Variants in PPP2R2B observed in about 807,000 individuals in gnomAD.
The protein encoded by PPP2R2B is serine/threonine-protein phosphatase 2A 55 kDa regulatory subunit B beta isoform.
PPP2R2B carries 5 observed loss-of-function variants against 46.0 expected under a neutral mutation model. That is an observed-to-expected ratio of 0.11 (90% confidence interval 0.06 to 0.23). The LOEUF is 0.23. Among genes scored for constraint, PPP2R2B ranks in the 10% least tolerant of loss-of-function variants. The pLI, the probability that PPP2R2B is intolerant of heterozygous loss-of-function variation, is 1.00. For missense variants in PPP2R2B, 367 were observed against 575.0 expected, an observed-to-expected ratio of 0.64 and a Z score of 3.70; for synonymous variants, 215 against 206.7, an observed-to-expected ratio of 1.04 and a Z score of -0.34.
intron 7 of PPP2R2B, among the ~76,000 whole-genome samples, chr5:146,617,717 CAG>C (rs1474643475): frequency 2.8e-5 from 4 of 145,352 alleles, no homozygotes; most frequent in African/African-American, 1.1e-4. Flanking sequence ...TTTTTTGAAG[CAG>C]AGTCTCGCTC....
intron 1 of PPP2R2B, among the ~76,000 whole-genome samples, chr5:147,046,881 G>A (rs1218469001): frequency 6.6e-6 from 1 of 151,982 alleles, no homozygotes; most frequent in Non-Finnish European, 1.5e-5. Context: ...AGTTCCTTAT[G>A]GATTATACTA....
At chr5:146,809,011 C>G (rs1039714344) in intron 2 of PPP2R2B, among the ~76,000 whole-genome samples, 1 of 149,996 alleles carries the variant, frequency 6.7e-6, no homozygotes, top group Non-Finnish European at 1.5e-5. Flanking sequence ...GCACCCACTT[C>G]TCCAGTGATG....
chr5:146,890,107 T>G (rs1456534676), intron 1 of PPP2R2B, among the ~76,000 whole-genome samples: 1 of 152,246 alleles, frequency 6.6e-6, no homozygotes, highest in African/African-American at 2.4e-5. Context: ...TAATAAAAAT[T>G]TATTGGACAA....
At chr5:146,901,379 C>T (rs1348909333) in intron 1 of PPP2R2B, among the ~76,000 whole-genome samples, 1 of 151,990 alleles carries the variant, frequency 6.6e-6, no homozygotes, top group African/African-American at 2.4e-5. Flanking sequence ...GTGACATGCA[C>T]CTATCATCCC....
chr5:146,647,012 T>C (rs1227394301), intron 6 of PPP2R2B, among the ~76,000 whole-genome samples: 2 of 152,202 alleles, frequency 1.3e-5, no homozygotes, highest in South Asian at 2.1e-4. Flanking sequence ...CTATCACTTG[T>C]TGGACTCTGA....
intron 2 of PPP2R2B, among the ~76,000 whole-genome samples, chr5:146,734,697 G>A (rs188153973): frequency 2.6e-5 from 4 of 152,214 alleles, no homozygotes; most frequent in Non-Finnish European, 4.4e-5. Flanking sequence ...TTCAAACTGA[G>A]ACCCTCTGCT....
intron 7 of PPP2R2B, among the ~76,000 whole-genome samples, chr5:146,623,914 G>C (rs1369460354): frequency 6.6e-6 from 1 of 152,122 alleles, no homozygotes; most frequent in Non-Finnish European, 1.5e-5. Context: ...CTACTGAGCT[G>C]TCAAAATAGA....
At chr5:146,760,261 C>T (rs190092608) in intron 2 of PPP2R2B, among the ~76,000 whole-genome samples, 46 of 152,226 alleles carry the variant, frequency 3.0e-4, no homozygotes, top group African/African-American at 1.1e-3. Flanking sequence ...TAAGGTATTG[C>T]TTTAATCTCT....
intron 1 of PPP2R2B, among the ~76,000 whole-genome samples, chr5:147,014,449 T>C (rs1754897187): frequency 1.3e-5 from 2 of 152,032 alleles, no homozygotes; most frequent in South Asian, 2.1e-4. Flanking sequence ...ATGTTTATTG[T>C]GGCATTTTTC....
chr5:146,638,467 G>A (rs751842591), intron 6 of PPP2R2B, 52 bp from the exon 7 acceptor site: 4 of 1,503,104 alleles, frequency 2.7e-6, no homozygotes, highest in East Asian at 2.3e-5. Flanking sequence ...AGGAACTTGG[G>A]GAAGGGGAGA....
intron 2 of PPP2R2B, among the ~76,000 whole-genome samples, chr5:146,812,292 CA>C (rs1171898930): frequency 6.7e-6 from 1 of 150,318 alleles, no homozygotes; most frequent in African/African-American, 2.4e-5. Context: ...TCATTTGCCT[CA>C]AAATAACAAA....
At chr5:146,830,062 G>A (rs958901283) in intron 2 of PPP2R2B, among the ~76,000 whole-genome samples, 2 of 152,176 alleles carry the variant, frequency 1.3e-5, no homozygotes, top group African/African-American at 4.8e-5. Context: ...ACAATGGCTA[G>A]TATACAGTCA....
intron 2 of PPP2R2B, among the ~76,000 whole-genome samples, chr5:147,076,740 T>C (rs1363659186): frequency 6.6e-6 from 1 of 152,180 alleles, no homozygotes; most frequent in African/African-American, 2.4e-5. Flanking sequence ...CCTTGTGTTC[T>C]ATTTGATGTG....
At chr5:147,056,040 T>A (rs1022115213), upstream of PPP2R2B, 11 of 1,193,676 alleles carry the variant, frequency 9.2e-6, no homozygotes, top group Non-Finnish European at 1.2e-5. Context: ...AGTAAGTCAG[T>A]CCTGCCTGTA....
intron 1 of PPP2R2B, among the ~76,000 whole-genome samples, chr5:146,884,344 G>A (rs1172591150): frequency 2.0e-5 from 3 of 152,078 alleles, no homozygotes; most frequent in African/African-American, 7.2e-5. Context: ...ATCCATCAGA[G>A]GAAAATTGAT....
chr5:146,844,873 C>T (rs996610033), intron 2 of PPP2R2B, among the ~76,000 whole-genome samples: 2 of 152,172 alleles, frequency 1.3e-5, no homozygotes, highest in Non-Finnish European at 2.9e-5. Flanking sequence ...TACCTTTAGC[C>T]TACACAGTGA....
chr5:146,666,542 T>C (rs1164540146), intron 5 of PPP2R2B, among the ~76,000 whole-genome samples: 1 of 152,208 alleles, frequency 6.6e-6, no homozygotes, highest in East Asian at 1.9e-4. Flanking sequence ...GCTTAATATC[T>C]GCTTTACTGA....
chr5:146,921,466 G>A (rs947504284), intron 1 of PPP2R2B, among the ~76,000 whole-genome samples: 2 of 152,162 alleles, frequency 1.3e-5, no homozygotes, highest in African/African-American at 2.4e-5. Context: ...ATTCCCTAGA[G>A]CACACGTGCT....
At chr5:146,592,860 T>C in intron 9 of PPP2R2B, 111 bp downstream of exon 9, 3 of 1,030,684 alleles carry the variant, frequency 2.9e-6, no homozygotes, top group Non-Finnish European at 4.5e-6. Flanking sequence ...TTCAGCCAGG[T>C]TTTGGGGCCC....
Sources: allele counts gnomAD v4.1 joint callset (sites outside exome capture counted in the v4.1 genomes callset), GRCh38; gene constraint gnomAD v4.1.1; transcripts MANE v1.5; gene names NCBI Gene and HGNC (gene_info 2026-07-23, HGNC 2026-07-21).